TENM2: variants seen among roughly 807,000 people sequenced by gnomAD.
The protein encoded by TENM2 is teneurin transmembrane protein 2.
A neutral mutation model predicts 245.2 loss-of-function variants in TENM2; 52 were observed. The ratio of observed to expected loss-of-function variants is 0.21; its 90% CI spans 0.17 to 0.27. The LOEUF (loss-of-function observed/expected upper bound fraction) is 0.27, where lower values mean the gene tolerates loss of function less well. Ranked by LOEUF, TENM2 falls within the 10% of genes least tolerant of loss-of-function variation. The probability of loss-of-function intolerance (pLI) is 1.00; values close to 1 mark genes in which losing one functional copy is unlikely to be tolerated. For missense variants in TENM2, 3,046 were observed against 3,666.8 expected (o/e 0.83, Z 4.37); for synonymous variants, 1,363 against 1,438.9 (o/e 0.95, Z 1.19).
chr5:167,870,771 T>G (rs934849980), intron 2 of TENM2, among the ~76,000 whole-genome samples: 5 of 151,568 alleles, frequency 3.3e-5, no homozygotes, highest in Non-Finnish European at 7.4e-5. Context: ...ATACAATTAT[T>G]CCTAGTACTT....
intron 2 of TENM2, among the ~76,000 whole-genome samples, chr5:167,693,212 C>T (rs1361789183): frequency 9.2e-5 from 14 of 152,192 alleles, no homozygotes; most frequent in Non-Finnish European, 1.9e-4. Flanking sequence ...TATACCATTC[C>T]ACTGCCGCAA....
chr5:167,737,952 C>G (rs1271145260), intron 2 of TENM2, among the ~76,000 whole-genome samples: 1 of 152,236 alleles, frequency 6.6e-6, no homozygotes, highest in East Asian at 1.9e-4. Context: ...CCCTATCACT[C>G]TGAGGTCAAA....
At chr5:167,201,692 G>T in the TENM2 span, among the ~76,000 whole-genome samples, 1 of 152,160 alleles carries the variant, frequency 6.6e-6, no homozygotes, top group African/African-American at 2.4e-5. Context: ...TGGCTCCAGA[G>T]GCTCTTTGTT....
chr5:167,115,909 T>C, the TENM2 span, among the ~76,000 whole-genome samples: 2 of 152,078 alleles, frequency 1.3e-5, no homozygotes, highest in African/African-American at 4.8e-5. Flanking sequence ...TGCCGGGAAA[T>C]AACTGAGAAA....
At chr5:168,262,482 C>G in exon 29 of TENM2, 1 of 1,560,432 alleles carries the variant, frequency 6.4e-7, no homozygotes, top group Non-Finnish European at 8.7e-7. Context: ...CGAAGGTTCA[C>G]GAACATTGAG....
At chr5:167,779,335 C>A (rs930118459) in intron 2 of TENM2, among the ~76,000 whole-genome samples, 8 of 152,180 alleles carry the variant, frequency 5.3e-5, no homozygotes, top group African/African-American at 1.4e-4. Flanking sequence ...TCTTTAGCGA[C>A]TGCAACCAAG....
At chr5:167,326,335 C>T (rs1044395775) in intron 1 of TENM2, among the ~76,000 whole-genome samples, 4 of 152,064 alleles carry the variant, frequency 2.6e-5, no homozygotes, top group African/African-American at 9.7e-5. Flanking sequence ...TATTAAATTT[C>T]TGGAAATGGC....
At chr5:167,130,391 CT>C in the TENM2 span, among the ~76,000 whole-genome samples, 2 of 152,176 alleles carry the variant, frequency 1.3e-5, no homozygotes, top group Non-Finnish European at 2.9e-5. Context: ...CTTCTAAGCG[CT>C]TTTACATTTA....
At chr5:167,523,617 A>G (rs1770916491) in intron 2 of TENM2, among the ~76,000 whole-genome samples, 1 of 152,134 alleles carries the variant, frequency 6.6e-6, no homozygotes, top group Admixed American at 6.6e-5. Flanking sequence ...AAACTATTCT[A>G]TGCGCCACAT....
chr5:168,247,893 C>A lies in TENM2; in HGVS notation c.6954C>A (p.His2318Gln). 1 of 1,613,962 alleles carries A rather than the reference C, an allele frequency of 6.2e-7. No individual in the cohort carries two copies. Among genetic ancestry groups the A allele is most frequent in the Non-Finnish European group, 8.5e-7 (1 of 1,179,892 alleles). Residue 2318 changes from histidine to glutamine, a missense_variant, in exon 27 of 29, where the codon CAC becomes CAA. Around this residue, in one of 2 missense-constraint regions of TENM2, gnomAD observed 2,704 missense variants for 3,331.9 expected, o/e 0.81. Transcript: ENST00000518659. This position sits in a 1 kb window ranked among gnomAD's most constrained non-coding sequence, Gnocchi z 7.8. Reference sequence around the variant, plus strand: ...CCTACAAGACCAACCTGGGCCACCACCTGCAGTACTTCTACTCTGACCTCC... The same window carrying A: ...CCTACAAGACCAACCTGGGCCACCAACTGCAGTACTTCTACTCTGACCTCC...
At chr5:167,398,434 A>T (rs1381563846) in intron 2 of TENM2, among the ~76,000 whole-genome samples, 1,615 of 62,300 alleles carry the variant, frequency 0.026, no homozygotes, top group Non-Finnish European at 0.033. Context: ...CTTTCTTACT[A>T]TTTTTTTTTT....
At chr5:167,755,275 C>T in intron 2 of TENM2, 1 of 1,041,348 alleles carries the variant, frequency 9.6e-7, no homozygotes. Context: ...TTTACTTTAA[C>T]CCTTCAGCGG....
chr5:167,595,695 T>C (rs1408976892), intron 2 of TENM2, among the ~76,000 whole-genome samples: 3 of 152,224 alleles, frequency 2.0e-5, no homozygotes, highest in African/African-American at 4.8e-5. Context: ...AAGCCTCTTA[T>C]ATCAAAACAT....
At chr5:167,796,718 C>T (rs1256272333) in intron 2 of TENM2, among the ~76,000 whole-genome samples, 3 of 151,954 alleles carry the variant, frequency 2.0e-5, no homozygotes, top group South Asian at 2.1e-4. Flanking sequence ...ATATCTTCTT[C>T]GTAGGAGATT....
At chr5:167,524,831 AT>A (rs1404814294) in intron 2 of TENM2, among the ~76,000 whole-genome samples, 2 of 151,462 alleles carry the variant, frequency 1.3e-5, no homozygotes, top group African/African-American at 4.8e-5. Flanking sequence ...CTACATAAGA[AT>A]TTTTACACGC....
chr5:167,071,878 G>GGCCCCCCCCCCCCCCCCCCCCCC, the TENM2 span, among the ~76,000 whole-genome samples: 1 of 124,026 alleles, frequency 8.1e-6, no homozygotes, highest in Non-Finnish European at 1.7e-5. Context: ...TTGACAAATC[G>GGCCCCCCCCCCCCCCCCCCCCCC]CCCCCCCCCG....
intron 25 of TENM2, among the ~76,000 whole-genome samples, chr5:168,229,102 C>A (rs994139452): frequency 1.1e-4 from 16 of 145,680 alleles, no homozygotes; most frequent in African/African-American, 4.2e-4. Flanking sequence ...AATGTAAACC[C>A]TATGTTAAAT....
At chr5:167,678,433 T>A (rs1291909987) in intron 2 of TENM2, among the ~76,000 whole-genome samples, 1 of 152,124 alleles carries the variant, frequency 6.6e-6, no homozygotes, top group Non-Finnish European at 1.5e-5. Flanking sequence ...GCCTGAAGAT[T>A]GGTAAAAATA....
chr5:167,093,521 A>G, the TENM2 span, among the ~76,000 whole-genome samples: 1 of 152,214 alleles, frequency 6.6e-6, no homozygotes, highest in Non-Finnish European at 1.5e-5. Flanking sequence ...GTCATAGCCT[A>G]AGCCCTGCCA....
Sources: allele counts gnomAD v4.1 joint callset (sites outside exome capture counted in the v4.1 genomes callset), GRCh38; gene constraint gnomAD v4.1.1; regional missense constraint gnomAD v4.1.1; non-coding constraint Gnocchi (gnomAD v3.1); transcripts MANE v1.5; gene names NCBI Gene and HGNC (gene_info 2026-07-23, HGNC 2026-07-21).